GLIS3: variants seen among roughly 807,000 people sequenced by gnomAD.
GLIS3 encodes zinc finger protein GLIS3.
A neutral mutation model predicts 78.6 loss-of-function variants in GLIS3; 53 were observed. The ratio of observed to expected loss-of-function variants is 0.67; its 90% CI spans 0.54 to 0.85. The LOEUF (loss-of-function observed/expected upper bound fraction) is 0.85, where lower values mean the gene tolerates loss of function less well. GLIS3 is among the 40% of genes least tolerant of loss of function. GLIS3 has a pLI of 0.00. For missense variants in GLIS3, 1,703 were observed against 1,231.1 expected (o/e 1.38, Z -5.74); for synonymous variants, 684 against 509.9 (o/e 1.34, Z -4.60).
intron 1 of GLIS3, among the ~76,000 whole-genome samples, chr9:4,347,541 C>T (rs1307019335): frequency 1.3e-5 from 2 of 152,154 alleles, no homozygotes; most frequent in African/African-American, 2.4e-5. Flanking sequence ...GGAAGTGGAG[C>T]TCAGGAATCT....
chr9:3,878,308 C>T (rs1196761528), intron 8 of GLIS3, among the ~76,000 whole-genome samples: 2 of 152,088 alleles, frequency 1.3e-5, no homozygotes, highest in Non-Finnish European at 1.5e-5. Context: ...CCTCACCATT[C>T]AAACCTGTAA....
chr9:4,239,331 C>CA (rs988066560), intron 2 of GLIS3, among the ~76,000 whole-genome samples: 16 of 150,010 alleles, frequency 1.1e-4, no homozygotes, highest in Middle Eastern at 3.4e-3. Context: ...AAAAAAAAAC[C>CA]AAAAAAAATG....
At chr9:4,351,169 G>A (rs1204830624), upstream of GLIS3, among the ~76,000 whole-genome samples, 1 of 152,138 alleles carries the variant, frequency 6.6e-6, no homozygotes, top group East Asian at 1.9e-4. Flanking sequence ...CTTGAACACA[G>A]GAGGTGGAGG....
intron 4 of GLIS3, among the ~76,000 whole-genome samples, chr9:3,972,539 C>T (rs183073367): frequency 6.6e-6 from 1 of 152,068 alleles, no homozygotes; most frequent in Non-Finnish European, 1.5e-5. Context: ...GGTTTCTTGA[C>T]TGTAGTTTCA....
chr9:4,139,555 A>ACAGG (rs1833650145), intron 2 of GLIS3, among the ~76,000 whole-genome samples: 1 of 152,156 alleles, frequency 6.6e-6, no homozygotes, highest in South Asian at 2.1e-4. Context: ...TTACATACAG[A>ACAGG]TACACACAAA....
intron 2 of GLIS3, among the ~76,000 whole-genome samples, chr9:4,319,301 A>G (rs930987993): frequency 1.2e-4 from 18 of 152,202 alleles, no homozygotes; most frequent in African/African-American, 4.3e-4. Context: ...TATGGCCATT[A>G]TATCCATAGC....
intron 7 of GLIS3, among the ~76,000 whole-genome samples, chr9:3,897,097 C>T (rs1822903688): frequency 6.6e-6 from 1 of 152,096 alleles, no homozygotes; most frequent in Non-Finnish European, 1.5e-5. Flanking sequence ...ATGCTGTATG[C>T]TACATACAAC....
chr9:4,425,845 C>T, the GLIS3 span, among the ~76,000 whole-genome samples: 1 of 152,170 alleles, frequency 6.6e-6, no homozygotes, highest in African/African-American at 2.4e-5. Flanking sequence ...GGAAGTTTTA[C>T]TTGTGAATCT....
chr9:4,380,737 T>G, the GLIS3 span, among the ~76,000 whole-genome samples: 1 of 152,224 alleles, frequency 6.6e-6, no homozygotes, highest in Non-Finnish European at 1.5e-5. Flanking sequence ...TTGTTAAAAT[T>G]TTTAAATAAA....
At chr9:4,221,149 T>C (rs1306950358) in intron 2 of GLIS3, among the ~76,000 whole-genome samples, 1 of 152,190 alleles carries the variant, frequency 6.6e-6, no homozygotes. Flanking sequence ...TCTTGAATGA[T>C]TCAGCAAAGA....
At chr9:4,247,968 G>A (rs1043272209) in intron 2 of GLIS3, among the ~76,000 whole-genome samples, 5 of 152,140 alleles carry the variant, frequency 3.3e-5, no homozygotes, top group African/African-American at 1.2e-4. Flanking sequence ...TCATCCTGCT[G>A]TGCAGTAGAT....
chr9:4,424,510 A>G, the GLIS3 span, among the ~76,000 whole-genome samples: 1 of 152,164 alleles, frequency 6.6e-6, no homozygotes, highest in African/African-American at 2.4e-5. Flanking sequence ...AGAATACTTG[A>G]TTATTGCAAC....
chr9:4,293,054 AAAACAAAC>A (rs757167544), intron 1 of GLIS3, among the ~76,000 whole-genome samples: 2 of 152,212 alleles, frequency 1.3e-5, no homozygotes, highest in African/African-American at 4.8e-5. Flanking sequence ...TCTTTCAAGA[AAAACAAAC>A]AAACAAACAA....
intron 8 of GLIS3, among the ~76,000 whole-genome samples, chr9:3,858,297 A>G (rs1288535001): frequency 1.3e-5 from 2 of 152,114 alleles, no homozygotes; most frequent in East Asian, 3.8e-4. Flanking sequence ...TCTAGATCCT[A>G]TATATATATG....
the GLIS3 span, among the ~76,000 whole-genome samples, chr9:4,404,107 A>T: frequency 2.6e-5 from 4 of 152,350 alleles, no homozygotes; most frequent in South Asian, 8.3e-4. Context: ...TTCAAGACAA[A>T]AACTGTAAGA....
intron 2 of GLIS3, among the ~76,000 whole-genome samples, chr9:4,255,869 CATG>C (rs1824884764): frequency 6.6e-6 from 1 of 151,962 alleles, no homozygotes; most frequent in Admixed American, 6.6e-5. Flanking sequence ...TCTGGGTAAT[CATG>C]ATGTGTCAAT....
chr9:4,281,285 C>A (rs964199005), intron 2 of GLIS3, among the ~76,000 whole-genome samples: 3 of 152,130 alleles, frequency 2.0e-5, no homozygotes, highest in African/African-American at 7.2e-5. Flanking sequence ...AAAATATATA[C>A]AGCATAAAAG....
chr9:4,268,080 T>C (rs1008138428), intron 2 of GLIS3, among the ~76,000 whole-genome samples: 7 of 152,080 alleles, frequency 4.6e-5, no homozygotes, highest in African/African-American at 1.4e-4. Context: ...CACACACACA[T>C]AGCCAGTATG....
the GLIS3 span, among the ~76,000 whole-genome samples, chr9:4,442,298 C>G: frequency 2.0e-5 from 3 of 152,086 alleles, no homozygotes; most frequent in Admixed American, 1.3e-4. Context: ...GTTGTCATGT[C>G]TCCTTTTTCA....
Sources: allele counts gnomAD v4.1 joint callset (sites outside exome capture counted in the v4.1 genomes callset), GRCh38; gene constraint gnomAD v4.1.1; transcripts MANE v1.5; gene names NCBI Gene and HGNC (gene_info 2026-07-23, HGNC 2026-07-21).